Variants in HDAC9 observed in about 807,000 individuals in gnomAD.
HDAC9 encodes the protein histone deacetylase 9, also known as MEF-2 interacting transcription repressor (MITR) protein.
In HDAC9, 41 loss-of-function variants were observed where a neutral mutation model predicts 139.4. That is an observed-to-expected ratio of 0.29 (90% CI 0.23 to 0.38). The LOEUF is 0.38. Among genes scored for constraint, HDAC9 ranks in the 10% least tolerant of loss-of-function variants. HDAC9 has a pLI of 1.00. For synonymous variants in HDAC9, 517 were observed against 476.2 expected, an observed-to-expected ratio of 1.09 and a Z score of -1.12; for missense variants, 1,147 against 1,297.0, an observed-to-expected ratio of 0.88 and a Z score of 1.78.
intron 2 of HDAC9, among the ~76,000 whole-genome samples, chr7:18,524,354 C>A (rs755821659): frequency 6.6e-6 from 1 of 152,124 alleles, no homozygotes; most frequent in Non-Finnish European, 1.5e-5. Context: ...CTGTAAATTT[C>A]AGATGTGGGT....
At chr7:18,707,516 A>G (rs1331052157) in intron 12 of HDAC9, among the ~76,000 whole-genome samples, 1 of 152,232 alleles carries the variant, frequency 6.6e-6, no homozygotes, top group Non-Finnish European at 1.5e-5. Flanking sequence ...CCTAACAGGC[A>G]TACTTTTCAG....
intron 21 of HDAC9, among the ~76,000 whole-genome samples, chr7:18,855,400 A>G (rs1018379413): frequency 1.3e-5 from 2 of 152,008 alleles, no homozygotes; most frequent in Admixed American, 1.3e-4. Flanking sequence ...TGCAATTGTT[A>G]TTTTATTATT....
Position 18,591,594 on chromosome 7 carries a change from C to G in HDAC9, c.494C>G (p.Thr165Ser), listed in dbSNP as rs140585698. 2.5e-4 allele frequency: 397 copies of G among 1,613,384 alleles called. 1 individual carries two copies. In the African/African-American group the frequency reaches 4.6e-3, roughly 19 times the overall value. Residue 165 changes from threonine to serine, a missense_variant, in exon 5 of 26, where the codon ACT becomes AGT. This residue lies in a region of HDAC9 where 79 missense variants were observed against 65.8 expected (regional missense o/e 1.20). Transcript: ENST00000686413. ...LSKSATKDTP[T>S]NGKNHSVSRH... Reference sequence around the variant, plus strand: ...AAATCAGCAACGAAAGACACTCCAACTAATGGAAAAAATCATTCCGTGAGC... The same window carrying G: ...AAATCAGCAACGAAAGACACTCCAAGTAATGGAAAAAATCATTCCGTGAGC...
chr7:18,417,270 T>C (rs1165857709), intron 1 of HDAC9, among the ~76,000 whole-genome samples: 1 of 152,198 alleles, frequency 6.6e-6, no homozygotes, highest in African/African-American at 2.4e-5. Flanking sequence ...CTCTAGAAGT[T>C]CAACTTCCAT....
chr7:18,201,314 T>G (rs541612207), intron 2 of HDAC9, among the ~76,000 whole-genome samples: 1 of 152,342 alleles, frequency 6.6e-6, no homozygotes, highest in South Asian at 2.1e-4. Flanking sequence ...AGGGTGTTAT[T>G]TATGATACCA....
At chr7:18,808,894 C>T (rs1023233958) in intron 17 of HDAC9, among the ~76,000 whole-genome samples, 1 of 151,738 alleles carries the variant, frequency 6.6e-6, no homozygotes, top group African/African-American at 2.4e-5. Context: ...ACAACAACAA[C>T]AACAAAAACG....
intron 1 of HDAC9, among the ~76,000 whole-genome samples, chr7:18,119,868 A>G (rs1231074029): frequency 6.6e-6 from 1 of 152,148 alleles, no homozygotes; most frequent in East Asian, 1.9e-4. Context: ...ATTCTTTTCT[A>G]CTTAAAAGAC....
chr7:18,443,930 GTATA>G (rs35425628), intron 1 of HDAC9, among the ~76,000 whole-genome samples: 1 of 150,808 alleles, frequency 6.6e-6, no homozygotes, highest in Admixed American at 6.6e-5. Flanking sequence ...TTATATATAT[GTATA>G]TATATGTATG....
chr7:18,255,705 T>C (rs71524238), intron 2 of HDAC9, among the ~76,000 whole-genome samples: 43,283 of 145,814 alleles, frequency 0.3, 6,871 homozygotes, highest in South Asian at 0.42. Flanking sequence ...TTCGGCTCAC[T>C]GCACCCTCTG....
At chr7:18,769,505 G>A (rs1344115737) in intron 16 of HDAC9, among the ~76,000 whole-genome samples, 1 of 152,098 alleles carries the variant, frequency 6.6e-6, no homozygotes, top group Admixed American at 6.6e-5. Context: ...CATCAGTGCT[G>A]GAGAAGGTTG....
intron 17 of HDAC9, among the ~76,000 whole-genome samples, chr7:18,817,406 TA>T (rs778144310): frequency 1.3e-5 from 2 of 151,642 alleles, no homozygotes; most frequent in East Asian, 1.9e-4. Flanking sequence ...ACAAAAACAA[TA>T]AAAAAAACCC....
At chr7:18,910,953 T>C (rs904038355) in intron 22 of HDAC9, among the ~76,000 whole-genome samples, 5 of 151,852 alleles carry the variant, frequency 3.3e-5, no homozygotes, top group Non-Finnish European at 1.5e-5. Flanking sequence ...CAGGGTAATA[T>C]TGGCCTCATA....
At chr7:18,624,247 G>A (rs746124110) in intron 6 of HDAC9, among the ~76,000 whole-genome samples, 6 of 152,096 alleles carry the variant, frequency 3.9e-5, no homozygotes, top group African/African-American at 9.7e-5. Context: ...ATGGAGACTA[G>A]TATGAGAATG....
At chr7:18,540,143 G>T (rs1016836186) in intron 2 of HDAC9, among the ~76,000 whole-genome samples, 1 of 150,800 alleles carries the variant, frequency 6.6e-6, no homozygotes, top group Non-Finnish European at 1.5e-5. Flanking sequence ...AATTGTGGTG[G>T]GTGCCTGTAA....
At chr7:18,275,422 T>G (rs962911332) in intron 2 of HDAC9, among the ~76,000 whole-genome samples, 1 of 152,182 alleles carries the variant, frequency 6.6e-6, no homozygotes, top group Non-Finnish European at 1.5e-5. Flanking sequence ...GCCAGAATGG[T>G]CCTGTTAAGT....
chr7:18,128,529 A>T (rs1232968980), intron 1 of HDAC9, among the ~76,000 whole-genome samples: 1 of 152,008 alleles, frequency 6.6e-6, no homozygotes. Flanking sequence ...CTTTCTCAGA[A>T]CTGCTTCTCA....
intron 21 of HDAC9, among the ~76,000 whole-genome samples, chr7:18,872,913 C>T (rs1799039899): frequency 6.6e-6 from 1 of 152,086 alleles, no homozygotes; most frequent in Non-Finnish European, 1.5e-5. Flanking sequence ...CTGGTTCAAT[C>T]ATCTACTTAC....
chr7:18,209,566 A>G (rs925215778), intron 2 of HDAC9, among the ~76,000 whole-genome samples: 1 of 152,236 alleles, frequency 6.6e-6, no homozygotes, highest in Non-Finnish European at 1.5e-5. Flanking sequence ...GAATTGAATC[A>G]TTGAGATGCT....
chr7:18,128,603 T>C (rs1466707162), intron 1 of HDAC9, among the ~76,000 whole-genome samples: 1 of 152,074 alleles, frequency 6.6e-6, no homozygotes, highest in Non-Finnish European at 1.5e-5. Context: ...TGCCTTGGAA[T>C]AGAAGCAGGG....
Sources: gnomAD v4.1 joint callset for allele counts (sites outside exome capture counted in the v4.1 genomes callset) on GRCh38, gnomAD v4.1.1 for gene constraint, gnomAD v4.1.1 regional missense constraint, MANE v1.5 for transcripts, NCBI Gene and HGNC (gene_info 2026-07-23, HGNC 2026-07-21) for gene names.